Variants in TUB observed in about 807,000 individuals in gnomAD.
The protein encoded by TUB is TUB bipartite transcription factor.
A neutral mutation model predicts 59.7 loss-of-function variants in TUB; 33 were observed. The ratio of observed to expected loss-of-function variants is 0.55; its 90% CI spans 0.42 to 0.74. TUB has a LOEUF of 0.74. Ranked by LOEUF, TUB falls within the 30% of genes least tolerant of loss-of-function variation. TUB has a pLI of 0.00. For missense variants in TUB, 659 were observed against 672.0 expected (o/e 0.98, Z 0.21); for synonymous variants, 293 against 256.4 (o/e 1.14, Z -1.36).
At chr11:8,032,448 G>A (rs1460064436) in intron 1 of TUB, among the ~76,000 whole-genome samples, 4 of 152,188 alleles carry the variant, frequency 2.6e-5, no homozygotes, top group African/African-American at 9.7e-5. Flanking sequence ...GTGAGCCATG[G>A]CGAGTGGGCA....
chr11:8,086,908 TAA>T (rs1943679669), intron 1 of TUB, among the ~76,000 whole-genome samples: 2 of 152,344 alleles, frequency 1.3e-5, no homozygotes, highest in African/African-American at 4.8e-5. Context: ...GGCCAGTGGT[TAA>T]GTCCTTTCTC....
chr11:8,095,863 G>A (rs559823105), intron 5 of TUB, among the ~76,000 whole-genome samples, 198 bp downstream of exon 5: 1 of 152,346 alleles, frequency 6.6e-6, no homozygotes, highest in South Asian at 2.1e-4. Flanking sequence ...CCTGATTTGG[G>A]GGCAGATTTC....
In TUB at chr11:8,101,859, A is replaced by AACCAC; in HGVS notation, c.*240_*241insACCAC. On this transcript the variant is annotated 3_prime_UTR_variant, in exon 12 of 12. Coordinates refer to ENST00000299506, the MANE Select transcript of TUB (RefSeq NM_177972.3). ...GGATGAGAATAATTCTTTCCATGCC[A>AACCAC]CGAGATCAACACACACTCCCACCCT... 2.1e-6 allele frequency: 1 copy of AACCAC among 466,118 alleles called. No homozygotes were observed. The highest frequency in any genetic ancestry group is 3.6e-5 in the South Asian group (1 of 27,856). 28.9% of individuals were successfully genotyped at this position (466,118 alleles called of 1,614,324 possible).
At chr11:8,071,142 T>G (rs1318618742) in intron 2 of TUB, among the ~76,000 whole-genome samples, 1 of 152,096 alleles carries the variant, frequency 6.6e-6, no homozygotes, top group Non-Finnish European at 1.5e-5. Flanking sequence ...ACGGAGAGGG[T>G]GGGAGGGACT....
intron 2 of TUB, among the ~76,000 whole-genome samples, chr11:8,051,215 G>T (rs949632526): frequency 2.0e-5 from 3 of 152,162 alleles, no homozygotes; most frequent in African/African-American, 4.8e-5. Context: ...GTATGAGTTT[G>T]TTCACAAGTG....
In TUB at chr11:8,099,014, T is replaced by A. The variant is rs1450209719; in HGVS notation, c.1116+139T>A. On this transcript the variant is annotated intron_variant, in intron 9 of 11. Transcript: ENST00000299506. ...AGAGGGGCTGTCCTCTGTGGAGTGT[T>A]CCTGGCCTAGGACAGGGGCTCTGGC... The A allele has an allele frequency of 5.7e-6, 4 of 700,352 alleles. No individual in the cohort carries two copies. In the Admixed American group the frequency reaches 9.3e-5, roughly 16 times the overall value. 43.4% of individuals were successfully genotyped at this position (700,352 alleles called of 1,614,324 possible). A position where few individuals can be genotyped will look rare whatever the true frequency, so the allele number is the denominator to read the frequency against.
At chr11:8,093,166 G>A (rs1027734948) in intron 3 of TUB, among the ~76,000 whole-genome samples, 8 of 152,118 alleles carry the variant, frequency 5.3e-5, no homozygotes, top group Admixed American at 4.6e-4. Flanking sequence ...CTGCTCTGAC[G>A]AGGGAGGCAG....
At chr11:8,091,180 C>G (rs1203597737) in intron 3 of TUB, among the ~76,000 whole-genome samples, 1 of 152,054 alleles carries the variant, frequency 6.6e-6, no homozygotes, top group Non-Finnish European at 1.5e-5. Flanking sequence ...TGGCCCATAC[C>G]CTGCCTCGCA....
At chr11:8,079,689 CGT>C (rs1381610929), upstream of TUB, among the ~76,000 whole-genome samples, 7 of 151,172 alleles carry the variant, frequency 4.6e-5, no homozygotes, top group South Asian at 6.3e-4. Context: ...TGTAGGTGTG[CGT>C]GTGTGTGTGC....
chr11:8,019,540 G>T (rs1942387149), intron 1 of TUB, among the ~76,000 whole-genome samples: 1 of 152,110 alleles, frequency 6.6e-6, no homozygotes, highest in East Asian at 1.9e-4. Flanking sequence ...GAGCTCCAGC[G>T]AGGGTAGTGT....
chr11:8,067,891 C>CT (rs1173069531), intron 2 of TUB: 1 of 152,300 alleles, frequency 6.6e-6, no homozygotes, highest in East Asian at 1.9e-4. Flanking sequence ...CCTGGCACAT[C>CT]TGAATAGTAA....
chr11:8,056,227 C>A (rs145270746), intron 2 of TUB, among the ~76,000 whole-genome samples: 34 of 152,308 alleles, frequency 2.2e-4, no homozygotes, highest in African/African-American at 7.9e-4. Context: ...CTAGCTTTCC[C>A]ACCTCGTGCT....
At chr11:8,033,482 C>G (rs1168230965) in intron 1 of TUB, among the ~76,000 whole-genome samples, 1 of 152,236 alleles carries the variant, frequency 6.6e-6, no homozygotes, top group Admixed American at 6.5e-5. Flanking sequence ...ATTAGCTTTG[C>G]CTGCCCCCTG....
At chr11:8,092,408 A>G (rs918142385) in intron 3 of TUB, among the ~76,000 whole-genome samples, 1 of 152,092 alleles carries the variant, frequency 6.6e-6, no homozygotes, top group Non-Finnish European at 1.5e-5. Context: ...AAAAAAAAAG[A>G]AAAAGATAGT....
chr11:8,020,417 T>C (rs1045524030), intron 1 of TUB, among the ~76,000 whole-genome samples: 1 of 152,110 alleles, frequency 6.6e-6, no homozygotes, highest in African/African-American at 2.4e-5. Flanking sequence ...GGAACAGGTG[T>C]CCCTCCTGCC....
intron 4 of TUB, 53 bp from the exon 5 acceptor site, chr11:8,095,445 A>G (rs1943943822): frequency 6.5e-7 from 1 of 1,549,524 alleles, no homozygotes; most frequent in Non-Finnish European, 8.8e-7. Context: ...CTGAGAATCC[A>G]GGCCCTCCTC....
chr11:8,100,308 C>T (rs1944215366), intron 9 of TUB, among the ~76,000 whole-genome samples, 195 bp from the exon 10 acceptor site: 1 of 152,134 alleles, frequency 6.6e-6, no homozygotes, highest in South Asian at 2.1e-4. Context: ...AAGGATGACG[C>T]ATAAGAGGAG....
intron 8 of TUB, 152 bp from the exon 9 acceptor site, chr11:8,098,606 A>C (rs1944112802): frequency 3.2e-6 from 2 of 630,368 alleles, no homozygotes; most frequent in Non-Finnish European, 5.7e-6. Flanking sequence ...GTGTCTTCAA[A>C]GATGTGGATT....
chr11:8,030,408 G>A (rs1022527415), intron 1 of TUB, among the ~76,000 whole-genome samples: 2 of 152,134 alleles, frequency 1.3e-5, no homozygotes, highest in Non-Finnish European at 2.9e-5. Flanking sequence ...GCATGTGCTT[G>A]GGGGAGATTC....
Sources: gnomAD v4.1 joint callset for allele counts (sites outside exome capture counted in the v4.1 genomes callset) on GRCh38, gnomAD v4.1.1 for gene constraint, MANE v1.5 for transcripts, NCBI Gene and HGNC (gene_info 2026-07-23, HGNC 2026-07-21) for gene names.